Variants in BRWD1 observed in about 807,000 individuals in gnomAD.
BRWD1 encodes the protein bromodomain and WD repeat-containing protein 1.
Under a neutral mutation model 251.2 loss-of-function variants are expected in BRWD1, and 82 were observed. The observed-to-expected ratio is 0.33, with a 90% CI of 0.27 to 0.39. The LOEUF (loss-of-function observed/expected upper bound fraction) is 0.39, where lower values mean the gene tolerates loss of function less well. BRWD1 is among the 10% of genes least tolerant of loss of function. The pLI, the probability that BRWD1 is intolerant of heterozygous loss-of-function variation, is 1.00. For missense variants in BRWD1, 2,233 were observed against 2,711.6 expected (o/e 0.82, Z 3.92); for synonymous variants, 918 against 902.8 (o/e 1.02, Z -0.30).
At chr21:39,276,398 AC>A (rs561993091) in intron 11 of BRWD1, among the ~76,000 whole-genome samples, 185 bp from the exon 12 acceptor site, 104 of 152,356 alleles carry the variant, frequency 6.8e-4, no homozygotes, top group African/African-American at 2.4e-3. Context: ...ACCTAAGACT[AC>A]TAAAATACAG....
intron 21 of BRWD1, among the ~76,000 whole-genome samples, chr21:39,241,430 T>C (rs1601360674): frequency 8.7e-6 from 1 of 115,526 alleles, no homozygotes; most frequent in Admixed American, 1.3e-4. Context: ...ACTGTGCCAC[T>C]GCACTCCAGC....
At chr21:39,223,871 A>G (rs1032239511) in intron 29 of BRWD1, among the ~76,000 whole-genome samples, 24 of 152,210 alleles carry the variant, frequency 1.6e-4, no homozygotes. Flanking sequence ...TTTTTCTGAG[A>G]TGGAGTCTCG....
At chr21:39,214,752 T>A (rs2146504683) in intron 32 of BRWD1, among the ~76,000 whole-genome samples, 1 of 152,218 alleles carries the variant, frequency 6.6e-6, no homozygotes, top group Non-Finnish European at 1.5e-5. Flanking sequence ...TTTAAAAAGT[T>A]GAAAAACTGA....
chr21:39,257,601 G>T (rs945118490), intron 18 of BRWD1, among the ~76,000 whole-genome samples: 1 of 151,800 alleles, frequency 6.6e-6, no homozygotes, highest in African/African-American at 2.4e-5. Context: ...GGACAACTGG[G>T]GAAGAGTAAG....
At position 39,194,936 on chromosome 21, in the gene BRWD1, C is replaced by A; in HGVS notation, c.*1323G>T. The stretch of plus-strand genomic sequence containing the variant: ...GGTACTGTAACATATCCCTTACCCA[C>A]TAAATATGTAAACCATTTGAATCAA... On this transcript the variant is annotated 3_prime_UTR_variant, in exon 41 of 41. Transcript: ENST00000342449. 1 of 1,478,914 alleles carries A rather than the reference C, an allele frequency of 6.8e-7. No homozygotes were observed. The allele number at this position is 1,478,914 out of a possible 1,614,324, so 91.6% of individuals were successfully genotyped here. A position where few individuals can be genotyped will look rare whatever the true frequency, so the allele number is the denominator to read the frequency against.
chr21:39,219,315 G>A (rs1309328944), intron 29 of BRWD1: 1 of 152,428 alleles, frequency 6.6e-6, no homozygotes, highest in Admixed American at 6.5e-5. Context: ...CAGCTACTAA[G>A]GAGACTGAGG....
intron 15 of BRWD1, 23 bp downstream of exon 15, chr21:39,269,876 A>C: frequency 2.0e-6 from 3 of 1,467,978 alleles, no homozygotes; most frequent in Non-Finnish European, 2.7e-6. Context: ...AGCATGTATC[A>C]AGGTACATCT....
intron 8 of BRWD1, among the ~76,000 whole-genome samples, chr21:39,282,532 T>C (rs1190957933): frequency 6.6e-6 from 1 of 152,212 alleles, no homozygotes; most frequent in Non-Finnish European, 1.5e-5. Context: ...TTTATTCCTT[T>C]GCTTTCTTAA....
intron 32 of BRWD1, among the ~76,000 whole-genome samples, chr21:39,214,699 A>C (rs2032808014): frequency 6.6e-6 from 1 of 152,106 alleles, no homozygotes; most frequent in African/African-American, 2.4e-5. Flanking sequence ...GACTAGATGA[A>C]AGGCAAATGG....
chr21:39,187,090 TCTAG>T lies in BRWD1; in HGVS notation c.*9165_*9168del, dbSNP rs750475013. ...AAAAAGCATTTTTCTATTAATATCT[TCTAG>T]CTCTTTTTCACTTTCAGAATTTATG... On this transcript the variant is annotated 3_prime_UTR_variant, in exon 41 of 41. Transcript: ENST00000342449. 3.1e-6 allele frequency: 5 copies of T among 1,603,692 alleles called. No homozygotes were observed. The Admixed American group carries it at 7.0e-5, about 22-fold the overall frequency.
chr21:39,211,133 C>G (rs1357452474), intron 34 of BRWD1, among the ~76,000 whole-genome samples: 1 of 152,088 alleles, frequency 6.6e-6, no homozygotes, highest in Non-Finnish European at 1.5e-5. Flanking sequence ...AGAAATATTA[C>G]AAAGTTAGCT....
At chr21:39,247,571 G>A (rs2034239250) in intron 21 of BRWD1, 130 bp downstream of exon 21, 1 of 986,482 alleles carries the variant, frequency 1.0e-6, no homozygotes, top group Non-Finnish European at 1.4e-6. Context: ...CATTCAAAAT[G>A]TGAAATTTCA....
intron 8 of BRWD1, among the ~76,000 whole-genome samples, chr21:39,287,598 C>T (rs1317784518): frequency 6.6e-6 from 1 of 151,994 alleles, no homozygotes; most frequent in African/African-American, 2.4e-5. Flanking sequence ...GTAGTGATAC[C>T]CCTTTTTCAA....
In BRWD1 at chr21:39,258,476, C is replaced by G; in HGVS notation, c.2071+11G>C. 6.4e-7 allele frequency: 1 copy of G among 1,557,846 alleles called. No homozygotes were observed. Among genetic ancestry groups the G allele is most frequent in the Non-Finnish European group, 8.7e-7 (1 of 1,150,820 alleles). On this transcript the variant is annotated intron_variant, in intron 18 of 40. Coordinates refer to ENST00000342449, the MANE Select transcript of BRWD1 (RefSeq NM_033656.4). ...CCATATTCAGGTAAAACATTTATCA[C>G]TATTTATTACCTCTCCGGGGTGTTT...
At chr21:39,266,093 T>C (rs2034911373) in intron 15 of BRWD1, among the ~76,000 whole-genome samples, 1 of 152,130 alleles carries the variant, frequency 6.6e-6, no homozygotes, top group African/African-American at 2.4e-5. Context: ...AAATGAGACA[T>C]CTACTCAGTA....
chr21:39,237,273 G>C (rs1230632594), intron 22 of BRWD1, among the ~76,000 whole-genome samples: 16 of 152,106 alleles, frequency 1.1e-4, no homozygotes, highest in Admixed American at 1.0e-3. Flanking sequence ...CAAACTGAAA[G>C]CCTTAAGTAG....
At position 39,203,449 on chromosome 21, in the gene BRWD1, T is replaced by C. The variant is rs922799582; in HGVS notation, c.4365-904A>G. Reference sequence around the variant, plus strand: ...GCAAGACCCTGGTTCTTTTTTTTTTTTTTTTTTTTTTTTGAGACAGAGTCT... The same window carrying C: ...GCAAGACCCTGGTTCTTTTTTTTTTCTTTTTTTTTTTTTGAGACAGAGTCT... On this transcript the variant is annotated intron_variant, in intron 37 of 40. Transcript: ENST00000342449. 3.0e-3 allele frequency among the ~76,000 whole-genome samples: 414 copies of C among 139,206 alleles called. 9 individuals are homozygous for C. Among genetic ancestry groups the C allele is most frequent in the African/African-American group, 0.01 (379 of 36,710 alleles). The allele number at this position is 139,206 out of a possible 152,430, so 91.3% of individuals were successfully genotyped here.
chr21:39,249,915 G>GTGT (rs1568915296), intron 20 of BRWD1, among the ~76,000 whole-genome samples: 2,344 of 68,532 alleles, frequency 0.034, 25 homozygotes, highest in Middle Eastern at 0.072. Context: ...AAAGAAGGGG[G>GTGT]GTGTGTGTGT....
Position 39,195,432 on chromosome 21 carries a change from T to G in BRWD1, c.*827A>C. On this transcript the variant is annotated 3_prime_UTR_variant, in exon 41 of 41. Transcript: ENST00000342449. ...AGAGTAAGATTATGGAAGAGCAAGA[T>G]TTTGGTTAAATCCCTTACAATGGAA... 1 of 985,684 alleles carries G rather than the reference T, an allele frequency of 1.0e-6. No homozygotes were observed. Among genetic ancestry groups the G allele is most frequent in the South Asian group, 4.7e-5 (1 of 21,292 alleles). 61.1% of individuals were successfully genotyped at this position (985,684 alleles called of 1,614,324 possible).
Sources: allele counts gnomAD v4.1 joint callset (sites outside exome capture counted in the v4.1 genomes callset), GRCh38; gene constraint gnomAD v4.1.1; transcripts MANE v1.5; gene names NCBI Gene and HGNC (gene_info 2026-07-23, HGNC 2026-07-21).